PHKA1: variants seen among roughly 807,000 people sequenced by gnomAD.
The protein encoded by PHKA1 is phosphorylase b kinase regulatory subunit alpha, skeletal muscle isoform.
Under a neutral mutation model 110.2 loss-of-function variants are expected in PHKA1, and 60 were observed. That is an observed-to-expected ratio of 0.54 (90% CI 0.44 to 0.68). The LOEUF is 0.68. Among genes scored for constraint, PHKA1 ranks in the 30% least tolerant of loss-of-function variants. The probability of loss-of-function intolerance (pLI) is 0.00; values close to 1 mark genes in which losing one functional copy is unlikely to be tolerated. For missense variants in PHKA1, 801 were observed against 942.5 expected (o/e 0.85, Z 1.97); for synonymous variants, 316 against 333.6 (o/e 0.95, Z 0.58).
At chrX:72,624,636 C>T (rs1254658082) in intron 17 of PHKA1, among the ~76,000 whole-genome samples, 1 of 111,754 alleles carries the variant, frequency 8.9e-6, no homozygotes, top group African/African-American at 3.3e-5. Context: ...TGCTCCCTGA[C>T]CTCAGTGTGT....
At chrX:72,583,135 G>A (rs2052360649) in intron 30 of PHKA1, among the ~76,000 whole-genome samples, 1 of 111,818 alleles carries the variant, frequency 8.9e-6, no homozygotes, top group Non-Finnish European at 1.9e-5. Context: ...GGGTGAAGGG[G>A]ATTGAGAAGT....
chrX:72,653,569 A>C (rs1425480861), intron 10 of PHKA1, 39 bp from the exon 11 acceptor site: 1 of 964,870 alleles, frequency 1.0e-6, no homozygotes, highest in African/African-American at 1.9e-5. Context: ...AGACTTACAG[A>C]GAGTCCCTTT....
intron 16 of PHKA1, among the ~76,000 whole-genome samples, chrX:72,627,262 GGCATTATCTTATTTGTCA>G (rs1417705410): frequency 1.8e-5 from 2 of 111,755 alleles, no homozygotes; most frequent in Non-Finnish European, 3.8e-5. Context: ...TTTCCTCAAA[GGCATTATCTTATTTGTCA>G]GCATTATCTT....
intron 1 of PHKA1, 133 bp downstream of exon 1, chrX:72,713,670 T>TCACACACACACACACACA (rs58583639): frequency 2.5e-5 from 12 of 479,148 alleles, no homozygotes; most frequent in Admixed American, 1.2e-4. Context: ...AAGGTCTCCG[T>TCACACACACACACACACA]CACACACACA....
chrX:72,686,502 C>T lies in PHKA1; in HGVS notation c.455-1922G>A, dbSNP rs141632128. On this transcript the variant is annotated intron_variant, in intron 4 of 31. Transcript: ENST00000373542. ...AATAGCTACAGAACATTTCACTGAA[C>T]GGTTACTCATGTAACCAGTTCCCTA... 3.6e-3 allele frequency among the ~76,000 whole-genome samples: 401 copies of T among 112,102 alleles called. 1 individual carries two copies. Among genetic ancestry groups the T allele is most frequent in the African/African-American group, 0.013 (389 of 30,891 alleles).
chrX:72,641,880 G>T (rs1003391123), intron 14 of PHKA1, among the ~76,000 whole-genome samples: 1 of 111,407 alleles, frequency 9.0e-6, no homozygotes, highest in Non-Finnish European at 1.9e-5. Context: ...GACTTCCCCA[G>T]GCAAATCTAT....
At chrX:72,599,230 T>A (rs1374278324) in intron 28 of PHKA1, among the ~76,000 whole-genome samples, 1 of 111,898 alleles carries the variant, frequency 8.9e-6, no homozygotes, top group Non-Finnish European at 1.9e-5. Flanking sequence ...TTTCCATTTT[T>A]TGTTTGGTAA....
Position 72,610,942 on chromosome X carries a change from T to C in PHKA1, c.2526+86A>G, listed in dbSNP as rs1341572746. On this transcript the variant is annotated intron_variant, in intron 22 of 31. Transcript: ENST00000373542. The stretch of plus-strand genomic sequence containing the variant: ...AGACATCTCAAATGGTTAGAGGCTA[T>C]GGTTGTTTTAAAAAACAATTATAGA... 4.4e-6 allele frequency: 3 copies of C among 679,594 alleles called. No individual in the cohort carries two copies. In the African/African-American group the frequency reaches 6.5e-5, roughly 15 times the overall value. 56.0% of individuals were successfully genotyped at this position (679,594 alleles called of 1,213,427 possible).
rs1477341921 is a variant in PHKA1, at chrX:72,611,052, C to T, written c.2502G>A (p.Arg834=). The T allele has an allele frequency of 8.3e-7, 1 of 1,205,861 alleles. No homozygotes were observed. Among genetic ancestry groups the T allele is most frequent in the Non-Finnish European group, 1.1e-6 (1 of 892,100 alleles). The change falls in exon 22 of 32, where the codon AGG becomes AGA. Residue 834 remains arginine, a synonymous_variant. Coordinates refer to ENST00000373542, the MANE Select transcript of PHKA1 (RefSeq NM_002637.4). ...GLIRYISGIL[R]KKVEALDEAC... The stretch of plus-strand genomic sequence containing the variant: ...CCTCATCAAGTGCTTCCACTTTCTT[C>T]CTTAAGATCCCAGAAATGTATCGGA...
At chrX:72,669,679 T>C (rs371267193) in intron 6 of PHKA1, among the ~76,000 whole-genome samples, 6 of 108,576 alleles carry the variant, frequency 5.5e-5, no homozygotes, top group Non-Finnish European at 9.6e-5. Flanking sequence ...TGGTTTCCAG[T>C]TTCATCCATG....
In PHKA1 at chrX:72,605,292, C is replaced by A; in HGVS notation, c.2794G>T (p.Ala932Ser). Residue 932 changes from alanine (A) to serine (S), a missense_variant, in exon 25 of 32, where the codon GCC (alanine) becomes TCC (serine). Ala to Ser is a moderately conservative substitution (Grantham distance 99). Coordinates refer to ENST00000373542, the MANE Select transcript of PHKA1 (RefSeq NM_002637.4). The part of the protein sequence containing the change: ...LIIQVMATEL[A>S]HSLRCSAEEA... Reference sequence around the variant, plus strand: ...GTACCTGAGCATCGAAGGGAGTGGGCCAGTTCTGTTGCCATAACTTGTATG... The same window carrying A: ...GTACCTGAGCATCGAAGGGAGTGGGACAGTTCTGTTGCCATAACTTGTATG... The A allele has an allele frequency of 8.3e-7, 1 of 1,204,813 alleles. No individual in the cohort carries two copies. Among genetic ancestry groups the A allele is most frequent in the East Asian group, 3.0e-5 (1 of 33,814 alleles).
rs782303224 is a variant in PHKA1 at position 72,635,090 on chromosome X, T to A, written c.1714+65A>T. 1,603 of 1,156,661 alleles carry A rather than the reference T, an allele frequency of 1.4e-3. 4 individuals are homozygous for A. The highest frequency in any genetic ancestry group is 1.8e-3 in the Non-Finnish European group (1,545 of 847,536). ...GTAGCTCTCTAGAAACAACAAGATG[T>A]TGAAGGGCTAAATCTATGACTTATT... On this transcript the variant is annotated intron_variant, in intron 16 of 31. Coordinates refer to ENST00000373542, the MANE Select transcript of PHKA1 (RefSeq NM_002637.4).
At chrX:72,695,246 C>A (rs1228190115) in intron 4 of PHKA1, among the ~76,000 whole-genome samples, 1 of 111,455 alleles carries the variant, frequency 9.0e-6, no homozygotes, top group African/African-American at 3.3e-5. Flanking sequence ...ATTGCCCTCC[C>A]CCAATTTAGG....
intron 3 of PHKA1, among the ~76,000 whole-genome samples, chrX:72,699,653 T>C (rs2054181156): frequency 9.0e-6 from 1 of 111,182 alleles, no homozygotes; most frequent in Non-Finnish European, 1.9e-5. Context: ...TACATCCATG[T>C]ATCTTCCTAT....
intron 6 of PHKA1, among the ~76,000 whole-genome samples, chrX:72,673,210 A>G (rs1556309927): frequency 2.7e-5 from 3 of 111,737 alleles, no homozygotes. Context: ...TCATGGTTAT[A>G]AAAGAGTCCT....
chrX:72,614,596 A>T (rs899521426), intron 21 of PHKA1, among the ~76,000 whole-genome samples: 1 of 111,897 alleles, frequency 8.9e-6, no homozygotes, highest in Non-Finnish European at 1.9e-5. Context: ...GAATCAAGGT[A>T]TGAAGGTAGG....
At chrX:72,655,646 G>A (rs1404233070) in intron 10 of PHKA1, among the ~76,000 whole-genome samples, 7 of 109,576 alleles carry the variant, frequency 6.4e-5, no homozygotes, top group African/African-American at 2.0e-4. Flanking sequence ...TTTTTGAGAC[G>A]GAGTCTCGCT....
chrX:72,686,991 A>T (rs1485512489), intron 4 of PHKA1, among the ~76,000 whole-genome samples: 16 of 112,217 alleles, frequency 1.4e-4, no homozygotes, highest in Admixed American at 1.1e-3. Context: ...TTTAAAAAAA[A>T]TTTTTAATCT....
chrX:72,703,433 T>C (rs2054232878), intron 3 of PHKA1, among the ~76,000 whole-genome samples: 1 of 111,851 alleles, frequency 8.9e-6, no homozygotes, highest in East Asian at 2.8e-4. Flanking sequence ...AATCCTGGCA[T>C]TTTAGGAGGC....
Sources: allele counts gnomAD v4.1 joint callset (sites outside exome capture counted in the v4.1 genomes callset), GRCh38; gene constraint gnomAD v4.1.1; transcripts MANE v1.5; gene names NCBI Gene and HGNC (gene_info 2026-07-23, HGNC 2026-07-21).